Variants in TOP2B observed in about 807,000 individuals in gnomAD.
TOP2B encodes DNA topoisomerase 2-beta.
TOP2B carries 51 observed loss-of-function variants against 193.5 expected under a neutral mutation model. The ratio of observed to expected loss-of-function variants is 0.26; its 90% CI spans 0.21 to 0.33. The LOEUF is 0.33. Among genes scored for constraint, TOP2B ranks in the 10% least tolerant of loss-of-function variants. The pLI, the probability that TOP2B is intolerant of heterozygous loss-of-function variation, is 1.00. For missense variants in TOP2B, 1,378 were observed against 1,909.3 expected (o/e 0.72, Z 5.19); for synonymous variants, 634 against 635.7 (o/e 1.00, Z 0.04).
chr3:25,605,958 C>T, intron 32 of TOP2B, 85 bp downstream of exon 32: 1 of 730,012 alleles, frequency 1.4e-6, no homozygotes, highest in Middle Eastern at 2.8e-4. Flanking sequence ...GAAGTTAAAT[C>T]ATGACCTAAC....
intron 19 of TOP2B, 51 bp from the exon 20 acceptor site, chr3:25,624,496 T>C (rs977423101): frequency 2.5e-6 from 4 of 1,578,102 alleles, no homozygotes; most frequent in East Asian, 2.2e-5. Flanking sequence ...AAATTTTCTA[T>C]AATTACTCCC....
chr3:25,651,356 G>C (rs1048627625), intron 1 of TOP2B, among the ~76,000 whole-genome samples: 3 of 151,052 alleles, frequency 2.0e-5, no homozygotes, highest in Non-Finnish European at 2.9e-5. Context: ...ATCACCTGAA[G>C]ATATGTTATG....
intron 6 of TOP2B, 131 bp from the exon 7 acceptor site, chr3:25,636,279 T>G: frequency 1.6e-6 from 1 of 624,108 alleles, no homozygotes; most frequent in Non-Finnish European, 2.6e-6. Context: ...ACCAAACAAA[T>G]CCTTGATAAT....
chr3:25,629,478 C>G (rs183125971), intron 13 of TOP2B, among the ~76,000 whole-genome samples: 14 of 152,008 alleles, frequency 9.2e-5, no homozygotes, highest in Admixed American at 7.9e-4. Flanking sequence ...GGTAGGGAAA[C>G]CCAGGTAATA....
chr3:25,661,963 G>A (rs1207088478), intron 1 of TOP2B, among the ~76,000 whole-genome samples: 1 of 152,146 alleles, frequency 6.6e-6, no homozygotes, highest in Non-Finnish European at 1.5e-5. Flanking sequence ...AGCAGACGAA[G>A]TTACCTTTCT....
chr3:25,643,669 C>T lies in TOP2B; in HGVS notation c.331+25G>A, dbSNP rs528135449. 4.6e-6 allele frequency: 7 copies of T among 1,525,468 alleles called. No individual in the cohort carries two copies. The South Asian group carries it at 5.6e-5, about 12-fold the overall frequency. 94.5% of individuals were successfully genotyped at this position (1,525,468 alleles called of 1,614,324 possible). On this transcript the variant is annotated intron_variant, in intron 3 of 35. Coordinates refer to ENST00000264331, the MANE Select transcript of TOP2B (RefSeq NM_001330700.2). The stretch of plus-strand genomic sequence containing the variant: ...CTATGATGATATTAATAGAAACATG[C>T]ATTAAATCCTAAGCAAGTACTCACC...
chr3:25,656,556 T>C (rs921572086), intron 1 of TOP2B, among the ~76,000 whole-genome samples: 1 of 152,202 alleles, frequency 6.6e-6, no homozygotes, highest in African/African-American at 2.4e-5. Context: ...TAATTGGTGT[T>C]AATCTTTTAT....
At chr3:25,615,714 G>A in intron 25 of TOP2B, 128 bp from the exon 26 acceptor site, 2 of 803,762 alleles carry the variant, frequency 2.5e-6, no homozygotes, top group Non-Finnish European at 3.4e-6. Context: ...AGGATGGTGG[G>A]GTTATTTTGG....
intron 1 of TOP2B, among the ~76,000 whole-genome samples, chr3:25,655,481 CA>C (rs1703717156): frequency 6.6e-6 from 1 of 152,132 alleles, no homozygotes; most frequent in East Asian, 1.9e-4. Context: ...GGAGGTTCCT[CA>C]AAAAATTAAA....
At chr3:25,607,602 A>C (rs970942284) in intron 30 of TOP2B, among the ~76,000 whole-genome samples, 1 of 152,184 alleles carries the variant, frequency 6.6e-6, no homozygotes. Context: ...AATACTGTGC[A>C]TGTTAGGAGA....
intron 7 of TOP2B, 86 bp downstream of exon 7, chr3:25,635,850 A>G: frequency 9.3e-7 from 1 of 1,078,068 alleles, no homozygotes; most frequent in Non-Finnish European, 1.4e-6. Context: ...AAAAGAGACT[A>G]CCAGATGAGC....
At chr3:25,619,652 T>A (rs1702605424) in intron 23 of TOP2B, among the ~76,000 whole-genome samples, 1 of 141,922 alleles carries the variant, frequency 7.0e-6, no homozygotes, top group African/African-American at 2.7e-5. Context: ...CCCAGATGCA[T>A]AAACACAGAG....
chr3:25,605,055 G>T (rs946802931), intron 32 of TOP2B, among the ~76,000 whole-genome samples, 185 bp from the exon 33 acceptor site: 1 of 152,048 alleles, frequency 6.6e-6, no homozygotes, highest in Non-Finnish European at 1.5e-5. Context: ...CACCAAAAAT[G>T]TTAACTATGT....
At chr3:25,605,846 C>T (rs1702224282) in intron 32 of TOP2B, among the ~76,000 whole-genome samples, 197 bp downstream of exon 32, 1 of 152,042 alleles carries the variant, frequency 6.6e-6, no homozygotes, top group African/African-American at 2.4e-5. Flanking sequence ...TCCATAATGC[C>T]TATTTTGACC....
intron 12 of TOP2B, 26 bp downstream of exon 12, chr3:25,630,286 A>C: frequency 6.5e-7 from 1 of 1,546,754 alleles, no homozygotes; most frequent in Non-Finnish European, 8.7e-7. Flanking sequence ...GTGTGTATAC[A>C]CATATATATA....
chr3:25,599,302 AATACAAGCCCCATATTG>A lies in TOP2B; in HGVS notation c.4710+116_4710+132del, dbSNP rs1444978404. On this transcript the variant is annotated intron_variant, in intron 35 of 35. Coordinates refer to ENST00000264331, the MANE Select transcript of TOP2B (RefSeq NM_001330700.2). ...TTATACTTGAATAATTTCTTAACCA[AATACAAGCCCCATATTG>A]ATACGAGATGCTAGGTGGAAAGCTG... 4.2e-6 allele frequency: 3 copies of A among 708,154 alleles called. No individual in the cohort carries two copies. In the African/African-American group the frequency reaches 5.4e-5, roughly 13 times the overall value. The allele number at this position is 708,154 out of a possible 1,614,324, so 43.9% of individuals were successfully genotyped here. A position where few individuals can be genotyped will look rare whatever the true frequency, so the allele number is the denominator to read the frequency against.
intron 7 of TOP2B, among the ~76,000 whole-genome samples, chr3:25,634,360 G>A (rs1054944831): frequency 1.3e-5 from 2 of 151,922 alleles, no homozygotes; most frequent in Admixed American, 6.6e-5. Flanking sequence ...GTAAGAAAAC[G>A]GGTGATCAGA....
intron 29 of TOP2B, 72 bp downstream of exon 29, chr3:25,609,496 A>T: frequency 6.6e-7 from 1 of 1,522,856 alleles, no homozygotes; most frequent in Non-Finnish European, 8.8e-7. Flanking sequence ...GAGCACAATC[A>T]AAAGAATCTA....
chr3:25,607,216 TTATC>T lies in TOP2B; in HGVS notation c.4249_4252del (p.Asp1417LysfsTer64). The T allele has an allele frequency of 6.2e-7, 1 of 1,612,192 alleles. No homozygotes were observed. The highest frequency in any genetic ancestry group is 8.5e-7 in the Non-Finnish European group (1 of 1,178,950). ...GCCTGGTGAAAATGTATATTCATCTTTATCTAACCCATCTGAAGGAACAAATTCA... is the reference window on the plus strand; with the variant it reads ...GCCTGGTGAAAATGTATATTCATCTTTAACCCATCTGAAGGAACAAATTCA... On this transcript the variant is annotated frameshift_variant, in exon 31 of 36. Coordinates refer to ENST00000264331, the MANE Select transcript of TOP2B (RefSeq NM_001330700.2). LOFTEE classifies it high-confidence loss of function.
Sources: allele counts gnomAD v4.1 joint callset (sites outside exome capture counted in the v4.1 genomes callset), GRCh38; gene constraint gnomAD v4.1.1; transcripts MANE v1.5; gene names NCBI Gene and HGNC (gene_info 2026-07-23, HGNC 2026-07-21).